The following ADGRL3 variants were observed in gnomAD, a reference collection of about 807,000 sequenced individuals.
The protein encoded by ADGRL3 is adhesion G protein-coupled receptor L3.
A neutral mutation model predicts 153.5 loss-of-function variants in ADGRL3; 62 were observed. That is an observed-to-expected ratio of 0.40 (90% CI 0.33 to 0.50). The LOEUF (loss-of-function observed/expected upper bound fraction) is 0.50, where lower values mean the gene tolerates loss of function less well. Ranked by LOEUF, ADGRL3 falls within the 20% of genes least tolerant of loss-of-function variation. The pLI is 0.47. For missense variants in ADGRL3, 1,641 were observed against 1,859.4 expected, an observed-to-expected ratio of 0.88 and a Z score of 2.16; for synonymous variants, 710 against 672.5, an observed-to-expected ratio of 1.06 and a Z score of -0.86.
intron 21 of ADGRL3, among the ~76,000 whole-genome samples, chr4:62,023,112 A>G (rs1168047610): frequency 1.3e-5 from 2 of 152,144 alleles, no homozygotes; most frequent in Non-Finnish European, 2.9e-5. Flanking sequence ...TGGGAGGAGT[A>G]AAAATGTTAA....
chr4:62,027,563 A>T (rs1252145656), intron 21 of ADGRL3, among the ~76,000 whole-genome samples: 1 of 152,014 alleles, frequency 6.6e-6, no homozygotes, highest in Non-Finnish European at 1.5e-5. Flanking sequence ...TTTCAGCCAC[A>T]TCTATTTTAC....
At chr4:61,912,849 C>A in intron 13 of ADGRL3, 92 bp downstream of exon 13, 1 of 1,210,094 alleles carries the variant, frequency 8.3e-7, no homozygotes, top group East Asian at 2.4e-5. Flanking sequence ...TGATAATGTA[C>A]CTTACTGAAA....
intron 1 of ADGRL3, among the ~76,000 whole-genome samples, chr4:61,266,270 G>GGCTTTGGGACT (rs6148472): frequency 0.65 from 98,266 of 151,242 alleles, 32,074 homozygotes; most frequent in East Asian, 0.7. Flanking sequence ...TGATCTTTCT[G>GGCTTTGGGACT]ACTTTAGACA....
chr4:61,518,234 A>G (rs1718091187), intron 4 of ADGRL3, among the ~76,000 whole-genome samples: 1 of 152,182 alleles, frequency 6.6e-6, no homozygotes. Flanking sequence ...AAAACTTCAT[A>G]TGGGTACTCT....
intron 5 of ADGRL3, among the ~76,000 whole-genome samples, chr4:61,644,268 G>GATT (rs534607455): frequency 1.4e-5 from 2 of 145,466 alleles, no homozygotes; most frequent in Non-Finnish European, 3.0e-5. Context: ...TTTTTGAAGG[G>GATT]TTTTTTGTGT....
intron 5 of ADGRL3, among the ~76,000 whole-genome samples, chr4:61,661,343 C>T (rs2094587868): frequency 6.6e-6 from 1 of 151,956 alleles, no homozygotes; most frequent in Non-Finnish European, 1.5e-5. Flanking sequence ...TGATCACTTT[C>T]AATTATTGAC....
chr4:61,516,207 A>T (rs1276027168), intron 3 of ADGRL3, among the ~76,000 whole-genome samples: 7 of 152,080 alleles, frequency 4.6e-5, no homozygotes, highest in Admixed American at 4.6e-4. Context: ...CAGATATTTT[A>T]TATAGCAAGA....
intron 2 of ADGRL3, among the ~76,000 whole-genome samples, chr4:61,452,102 C>A (rs951088407): frequency 3.3e-5 from 5 of 152,140 alleles, no homozygotes; most frequent in African/African-American, 9.7e-5. Flanking sequence ...GGGCTCACAG[C>A]TGAATAACTC....
intron 23 of ADGRL3, among the ~76,000 whole-genome samples, chr4:62,033,096 A>G (rs1041318981): frequency 6.6e-6 from 1 of 151,760 alleles, no homozygotes; most frequent in Non-Finnish European, 1.5e-5. Context: ...TCATTGCCCA[A>G]TGGATGGGGT....
chr4:61,724,020 A>G (rs1164306548), intron 6 of ADGRL3, among the ~76,000 whole-genome samples: 4 of 152,174 alleles, frequency 2.6e-5, no homozygotes, highest in Non-Finnish European at 4.4e-5. Flanking sequence ...ATTTGTCTCT[A>G]TTCACATCTG....
intron 1 of ADGRL3, among the ~76,000 whole-genome samples, chr4:61,225,528 G>T (rs1036316733): frequency 8.6e-5 from 13 of 152,008 alleles, no homozygotes; most frequent in African/African-American, 3.1e-4. Context: ...ATTTAACTAT[G>T]ATTTAAATAT....
At chr4:61,994,375 G>A (rs1510919) in intron 19 of ADGRL3, among the ~76,000 whole-genome samples, 1 of 151,628 alleles carries the variant, frequency 6.6e-6, no homozygotes, top group Non-Finnish European at 1.5e-5. Flanking sequence ...TGGTCTTGAA[G>A]TCCTAGGCTC....
intron 4 of ADGRL3, among the ~76,000 whole-genome samples, chr4:61,583,852 G>A (rs1244417627): frequency 6.6e-6 from 1 of 152,006 alleles, no homozygotes; most frequent in Non-Finnish European, 1.5e-5. Flanking sequence ...GTGGTAAGGA[G>A]CATAAGAAGG....
At chr4:61,486,916 C>T (rs1045608073) in intron 2 of ADGRL3, among the ~76,000 whole-genome samples, 29 of 152,288 alleles carry the variant, frequency 1.9e-4, no homozygotes, top group African/African-American at 6.7e-4. Context: ...TGGGTTATTG[C>T]TATCTCTTCA....
intron 6 of ADGRL3, among the ~76,000 whole-genome samples, chr4:61,711,764 C>T (rs2095996927): frequency 1.3e-5 from 2 of 151,820 alleles, no homozygotes; most frequent in African/African-American, 2.4e-5. Flanking sequence ...TGCTTTGAAT[C>T]GTTGGCTGTC....
chr4:61,297,546 A>G (rs1224431016), intron 1 of ADGRL3, among the ~76,000 whole-genome samples: 4 of 152,258 alleles, frequency 2.6e-5, no homozygotes, highest in African/African-American at 9.6e-5. Flanking sequence ...AAGGAACAGT[A>G]CTTATTTTTA....
intron 5 of ADGRL3, among the ~76,000 whole-genome samples, chr4:61,675,899 C>A (rs2095174770): frequency 6.6e-6 from 1 of 151,666 alleles, no homozygotes; most frequent in African/African-American, 2.4e-5. Flanking sequence ...AGGGCTTATT[C>A]ATTCTTTCTA....
chr4:61,561,010 T>C (rs991831554), intron 4 of ADGRL3, among the ~76,000 whole-genome samples: 7 of 152,158 alleles, frequency 4.6e-5, no homozygotes, highest in Non-Finnish European at 1.0e-4. Context: ...TTAACAAGTA[T>C]CTTTTATTTA....
chr4:61,479,534 A>C (rs2098109279), intron 2 of ADGRL3, among the ~76,000 whole-genome samples: 1 of 152,142 alleles, frequency 6.6e-6, no homozygotes, highest in Non-Finnish European at 1.5e-5. Flanking sequence ...AAAGCCTTTA[A>C]ATTGTTTTAT....
Sources: allele counts gnomAD v4.1 joint callset (sites outside exome capture counted in the v4.1 genomes callset), GRCh38; gene constraint gnomAD v4.1.1; transcripts MANE v1.5; gene names NCBI Gene and HGNC (gene_info 2026-07-23, HGNC 2026-07-21).